PTPN12: variants seen among roughly 807,000 people sequenced by gnomAD.
PTPN12 encodes the protein protein tyrosine phosphatase non-receptor type 12.
PTPN12 carries 29 observed loss-of-function variants against 97.6 expected under a neutral mutation model. The ratio of observed to expected loss-of-function variants is 0.30; its 90% CI spans 0.22 to 0.41. The LOEUF (loss-of-function observed/expected upper bound fraction) is 0.41. Ranked by LOEUF, PTPN12 falls within the 10% of genes least tolerant of loss-of-function variation. PTPN12 has a pLI of 1.00. For missense variants in PTPN12, 819 were observed against 926.0 expected (o/e 0.88, Z 1.50); for synonymous variants, 327 against 300.4 (o/e 1.09, Z -0.91).
intron 8 of PTPN12, among the ~76,000 whole-genome samples, chr7:77,605,414 T>G (rs903937079): frequency 0.025 from 3,043 of 119,572 alleles, 531 homozygotes; most frequent in East Asian, 0.1. Flanking sequence ...CATGAGTTTT[T>G]TTTTTTTTTT....
chr7:77,558,918 G>T (rs1380293982), intron 1 of PTPN12, among the ~76,000 whole-genome samples: 1 of 152,156 alleles, frequency 6.6e-6, no homozygotes, highest in Non-Finnish European at 1.5e-5. Flanking sequence ...GGAAGCTGAG[G>T]CAGGCAGATA....
chr7:77,562,441 G>A (rs1477851513), intron 1 of PTPN12, among the ~76,000 whole-genome samples: 1 of 152,198 alleles, frequency 6.6e-6, no homozygotes, highest in East Asian at 1.9e-4. Flanking sequence ...TTGGCAGAGT[G>A]TGCCCCTATG....
Position 77,537,569 on chromosome 7 carries a change from G to C in PTPN12, c.23G>C (p.Arg8Thr). Reference protein sequence around the residue: MEQVEILRKFIQRVQAMK... With the variant: MEQVEILTKFIQRVQAMK... Reference sequence around the variant, plus strand: ...AGGATGGAGCAAGTGGAGATCCTGAGGAAATTCATCCAGAGGGTCCAGGCC... The same window carrying C: ...AGGATGGAGCAAGTGGAGATCCTGACGAAATTCATCCAGAGGGTCCAGGCC... Residue 8 changes from arginine (R) to threonine (T), a missense_variant, in exon 1 of 18, where the codon AGG becomes ACG. Arg to Thr is a moderately conservative substitution (Grantham distance 71, BLOSUM62 -1). Coordinates refer to ENST00000248594, the MANE Select transcript of PTPN12 (RefSeq NM_002835.4). The C allele has an allele frequency of 6.2e-7, 1 of 1,600,400 alleles. No individual in the cohort carries two copies. The highest frequency in any genetic ancestry group is 1.1e-5 in the South Asian group (1 of 89,108).
chr7:77,546,656 G>C (rs1223876735), intron 1 of PTPN12, among the ~76,000 whole-genome samples: 2 of 152,326 alleles, frequency 1.3e-5, no homozygotes, highest in South Asian at 2.1e-4. Context: ...AGTGTGGACT[G>C]TATTAGTCCA....
intron 2 of PTPN12, among the ~76,000 whole-genome samples, chr7:77,574,226 A>G (rs1226578452): frequency 2.0e-5 from 3 of 152,184 alleles, no homozygotes; most frequent in Non-Finnish European, 2.9e-5. Context: ...AGCAGAGAAT[A>G]GAAGGGTAAG....
chr7:77,628,687 A>G (rs1270340765), intron 13 of PTPN12, among the ~76,000 whole-genome samples: 1 of 150,998 alleles, frequency 6.6e-6, no homozygotes, highest in African/African-American at 2.4e-5. Flanking sequence ...ACAGGCACCC[A>G]CTACCACACC....
At chr7:77,595,610 C>T (rs1349200710) in intron 6 of PTPN12, among the ~76,000 whole-genome samples, 1 of 152,116 alleles carries the variant, frequency 6.6e-6, no homozygotes, top group Admixed American at 6.5e-5. Context: ...ATCACAATAG[C>T]AAAGTTGTGT....
chr7:77,634,416 GTTTTCT>G (rs1789513197), intron 14 of PTPN12, among the ~76,000 whole-genome samples: 1 of 151,850 alleles, frequency 6.6e-6, no homozygotes, highest in Admixed American at 6.6e-5. Context: ...GTTTCATTTG[GTTTTCT>G]TTTTATTTAT....
chr7:77,593,953 A>T (rs985280479), intron 6 of PTPN12, among the ~76,000 whole-genome samples: 1 of 152,182 alleles, frequency 6.6e-6, no homozygotes, highest in Non-Finnish European at 1.5e-5. Context: ...AGTTATACTC[A>T]TGACTTCTGA....
At chr7:77,627,849 A>G (rs1031545438) in intron 13 of PTPN12, among the ~76,000 whole-genome samples, 174 bp downstream of exon 13, 13 of 152,212 alleles carry the variant, frequency 8.5e-5, no homozygotes, top group African/African-American at 3.1e-4. Context: ...ATTGTTAACA[A>G]TTTGGTCACA....
At chr7:77,564,453 T>C (rs929955530) in intron 1 of PTPN12, among the ~76,000 whole-genome samples, 1 of 152,114 alleles carries the variant, frequency 6.6e-6, no homozygotes, top group African/African-American at 2.4e-5. Flanking sequence ...TATTTAACAA[T>C]GGTTATTGAA....
chr7:77,632,931 T>G (rs1308649061), intron 14 of PTPN12, among the ~76,000 whole-genome samples: 3 of 152,196 alleles, frequency 2.0e-5, no homozygotes, highest in African/African-American at 7.2e-5. Context: ...CATTCCAGCC[T>G]GGGCGAAGAG....
chr7:77,541,109 G>A (rs1806952735), intron 1 of PTPN12, among the ~76,000 whole-genome samples: 1 of 152,072 alleles, frequency 6.6e-6, no homozygotes, highest in Non-Finnish European at 1.5e-5. Flanking sequence ...TTCTGTTTTT[G>A]AGACAGGGTC....
intron 1 of PTPN12, among the ~76,000 whole-genome samples, chr7:77,567,313 C>T (rs564188066): frequency 6.7e-4 from 102 of 151,716 alleles, no homozygotes; most frequent in Non-Finnish European, 1.2e-3. Context: ...ATATATTTAT[C>T]ATAAGAGTAA....
At chr7:77,549,275 T>G (rs975822581) in intron 1 of PTPN12, among the ~76,000 whole-genome samples, 4 of 152,058 alleles carry the variant, frequency 2.6e-5, no homozygotes, top group East Asian at 1.9e-4. Context: ...GAAAAAAAAT[T>G]TACTATTTTA....
intron 2 of PTPN12, among the ~76,000 whole-genome samples, chr7:77,572,822 C>T (rs935894114): frequency 6.6e-6 from 1 of 152,090 alleles, no homozygotes; most frequent in African/African-American, 2.4e-5. Flanking sequence ...CGGTGGCTCA[C>T]GCCTATAATC....
intron 4 of PTPN12, chr7:77,583,898 C>T (rs1391689102): frequency 3.1e-6 from 1 of 320,262 alleles, no homozygotes; most frequent in Non-Finnish European, 5.8e-6. Flanking sequence ...AATGATACAG[C>T]TATCAAACAA....
At chr7:77,610,479 A>C (rs889787834) in intron 9 of PTPN12, among the ~76,000 whole-genome samples, 1 of 152,160 alleles carries the variant, frequency 6.6e-6, no homozygotes, top group African/African-American at 2.4e-5. Flanking sequence ...ATATCCAACT[A>C]TGTTGTAGCT....
intron 1 of PTPN12, among the ~76,000 whole-genome samples, chr7:77,559,321 T>G (rs6959936): frequency 6.6e-6 from 1 of 152,056 alleles, no homozygotes; most frequent in Non-Finnish European, 1.5e-5. Flanking sequence ...ACTTTGTATC[T>G]TTTAGCTGTG....
Sources: allele counts gnomAD v4.1 joint callset (sites outside exome capture counted in the v4.1 genomes callset), GRCh38; gene constraint gnomAD v4.1.1; transcripts MANE v1.5; gene names NCBI Gene and HGNC (gene_info 2026-07-23, HGNC 2026-07-21).